CLCN5: variants seen among roughly 807,000 people sequenced by gnomAD.
CLCN5 encodes the protein H(+)/Cl(-) exchange transporter 5.
A neutral mutation model predicts 54.0 loss-of-function variants in CLCN5; 17 were observed. That is an observed-to-expected ratio of 0.31 (90% CI 0.22 to 0.47). The LOEUF (loss-of-function observed/expected upper bound fraction) is 0.47. CLCN5 is among the 20% of genes least tolerant of loss of function. CLCN5 has a pLI of 1.00. For missense variants in CLCN5, 448 were observed against 646.7 expected, an observed-to-expected ratio of 0.69 and a Z score of 3.33; for synonymous variants, 222 against 233.0, an observed-to-expected ratio of 0.95 and a Z score of 0.43.
At chrX:49,966,245 A>C (rs145179241) in intron 3 of CLCN5, among the ~76,000 whole-genome samples, 1,747 of 111,719 alleles carry the variant, frequency 0.016, 30 homozygotes, top group African/African-American at 0.054. Context: ...TCAATTTTTT[A>C]ATAGATGTAG....
chrX:49,995,773 T>G (rs976579490), intron 3 of CLCN5, among the ~76,000 whole-genome samples: 3 of 111,973 alleles, frequency 2.7e-5, no homozygotes, highest in Non-Finnish European at 5.6e-5. Context: ...AAATTTCCCT[T>G]GAGCAATAAA....
At position 49,925,184 on chromosome X, in the gene CLCN5, GCCC is replaced by G; in HGVS notation, c.-113_-111del. 1.3e-6 allele frequency: 1 copy of G among 789,628 alleles called. No individual in the cohort carries two copies. 65.1% of individuals were successfully genotyped at this position (789,628 alleles called of 1,213,427 possible). A position where few individuals can be genotyped will look rare whatever the true frequency, so the allele number is the denominator to read the frequency against. On this transcript the variant is annotated 5_prime_UTR_variant, in exon 3 of 15. Transcript: ENST00000376091. ...TTACATTTTCAGGTTTGGGGCTTTA[GCCC>G]CTTGGAGAAAACAGGGCCACATAGC...
In CLCN5 at chrX:50,098,422, G is replaced by A. The variant is rs1557196014; in HGVS notation, c.*6203G>A. The A allele has an allele frequency of 8.9e-6, 1 of 112,586 alleles. No individual in the cohort carries two copies. The highest frequency in any genetic ancestry group is 3.7e-4 in the South Asian group (1 of 2,671). The allele number at this position is 112,586 out of a possible 1,213,427, so 9.3% of individuals were successfully genotyped here. ...GGCTATGGGAAAACTACCACCTGTT[G>A]AGTGAGCCAATGAGGCCAGGAAGAT... On this transcript the variant is annotated 3_prime_UTR_variant, in exon 15 of 15. Coordinates refer to ENST00000376091, the MANE Select transcript of CLCN5 (RefSeq NM_001127898.4).
In CLCN5 at chrX:50,034,463, A is replaced by G. The variant is rs782028124; in HGVS notation, c.17-7853A>G. Among the ~76,000 whole-genome samples, 4 of 111,697 alleles carry G rather than the reference A, an allele frequency of 3.6e-5. No individual in the cohort carries two copies. In the South Asian group the frequency reaches 1.5e-3, roughly 42 times the overall value. On this transcript the variant is annotated intron_variant, in intron 3 of 14. Coordinates refer to ENST00000376091, the MANE Select transcript of CLCN5 (RefSeq NM_001127898.4). ...GTGTTTGCAGTATCCGGCATATATT[A>G]CTTACCCAGAATGCCATGTATAGGT...
chrX:50,084,258 T>C (rs1933812909), intron 9 of CLCN5, among the ~76,000 whole-genome samples: 1 of 112,392 alleles, frequency 8.9e-6, no homozygotes, highest in Non-Finnish European at 1.9e-5. Context: ...CATCTAAACA[T>C]AGAAAAAGCA....
chrX:49,972,801 C>T (rs1204694860), intron 3 of CLCN5, among the ~76,000 whole-genome samples: 2 of 111,495 alleles, frequency 1.8e-5, no homozygotes, highest in Non-Finnish European at 3.8e-5. Flanking sequence ...CAGATGCTTC[C>T]AACATACAGA....
intron 4 of CLCN5, chrX:50,067,687 A>G (rs1933078966): frequency 1.3e-6 from 1 of 753,994 alleles, no homozygotes; most frequent in African/African-American, 2.3e-5. Context: ...AAGCTCCCCA[A>G]CCTGAATGAC....
intron 3 of CLCN5, among the ~76,000 whole-genome samples, chrX:50,033,764 A>C (rs1359367096): frequency 2.7e-5 from 3 of 111,992 alleles, no homozygotes; most frequent in Non-Finnish European, 5.6e-5. Flanking sequence ...CCTGACTTCA[A>C]ACATTTTAAT....
intron 3 of CLCN5, among the ~76,000 whole-genome samples, chrX:49,939,531 C>G (rs1477004314): frequency 9.0e-6 from 1 of 110,753 alleles, no homozygotes; most frequent in East Asian, 2.8e-4. Context: ...AGCAAACTAT[C>G]GCAAGGACAA....
At chrX:49,968,962 A>T (rs868994663) in intron 3 of CLCN5, among the ~76,000 whole-genome samples, 1 of 87,566 alleles carries the variant, frequency 1.1e-5, no homozygotes, top group East Asian at 2.8e-4. Flanking sequence ...AACTCAAACA[A>T]ATATCTCTGA....
intron 3 of CLCN5, among the ~76,000 whole-genome samples, chrX:49,943,660 A>G (rs1368636600): frequency 9.0e-6 from 1 of 110,665 alleles, no homozygotes; most frequent in African/African-American, 3.3e-5. Context: ...TAACTAGGGA[A>G]TCCTTTCCCC....
intron 4 of CLCN5, chrX:50,054,781 A>G (rs1165078895): frequency 8.9e-6 from 1 of 112,129 alleles, no homozygotes; most frequent in Non-Finnish European, 1.9e-5. Context: ...TGTAAGGGTG[A>G]GAGCAATAAC....
chrX:49,983,165 C>A (rs936299985), intron 3 of CLCN5, among the ~76,000 whole-genome samples: 1 of 111,696 alleles, frequency 9.0e-6, no homozygotes, highest in Non-Finnish European at 1.9e-5. Flanking sequence ...ATGAATACAG[C>A]TGTGAGGAAC....
At chrX:49,948,631 C>G (rs960725206) in intron 3 of CLCN5, among the ~76,000 whole-genome samples, 1 of 111,737 alleles carries the variant, frequency 8.9e-6, no homozygotes, top group Non-Finnish European at 1.9e-5. Flanking sequence ...AATAGAATAA[C>G]CCTCTGTCAG....
chrX:50,002,264 C>T (rs1929868492), intron 3 of CLCN5, among the ~76,000 whole-genome samples: 2 of 110,718 alleles, frequency 1.8e-5, no homozygotes, highest in South Asian at 3.9e-4. Flanking sequence ...ACATCTGCCC[C>T]GAATGTCTAA....
At chrX:50,016,107 T>A (rs1557183509) in intron 3 of CLCN5, among the ~76,000 whole-genome samples, 1 of 111,781 alleles carries the variant, frequency 8.9e-6, no homozygotes, top group Admixed American at 9.6e-5. Flanking sequence ...CAGGAACTTG[T>A]TAGAAATAAA....
intron 3 of CLCN5, among the ~76,000 whole-genome samples, chrX:49,965,489 T>C (rs1301894120): frequency 1.8e-5 from 2 of 112,165 alleles, no homozygotes; most frequent in Non-Finnish European, 3.8e-5. Flanking sequence ...TATTTTGCAA[T>C]GTGCTAAACT....
At chrX:50,083,500 TTGAA>T (rs1214820157) in intron 9 of CLCN5, among the ~76,000 whole-genome samples, 1 of 111,877 alleles carries the variant, frequency 8.9e-6, no homozygotes, top group Non-Finnish European at 1.9e-5. Context: ...GTTATGAAAT[TTGAA>T]TGAGATTTAT....
intron 3 of CLCN5, among the ~76,000 whole-genome samples, chrX:50,013,580 ACACAT>A (rs1360464344): frequency 2.7e-5 from 3 of 111,931 alleles, no homozygotes; most frequent in African/African-American, 9.8e-5. Context: ...ATGTGCACAC[ACACAT>A]GTGTAAGTGT....
Sources: gnomAD v4.1 joint callset for allele counts (sites outside exome capture counted in the v4.1 genomes callset) on GRCh38, gnomAD v4.1.1 for gene constraint, MANE v1.5 for transcripts, NCBI Gene and HGNC (gene_info 2026-07-23, HGNC 2026-07-21) for gene names.